Variants in AGPS observed in about 807,000 individuals in gnomAD.
The protein encoded by AGPS is alkyldihydroxyacetonephosphate synthase, peroxisomal.
A neutral mutation model predicts 90.7 loss-of-function variants in AGPS; 26 were observed. That is an observed-to-expected ratio of 0.29 (90% CI 0.21 to 0.40). The LOEUF is 0.40. AGPS is among the 10% of genes least tolerant of loss of function. The probability of loss-of-function intolerance (pLI) is 1.00; values close to 1 mark genes in which losing one functional copy is unlikely to be tolerated. For synonymous variants in AGPS, 294 were observed against 285.3 expected (o/e 1.03, Z -0.31); for missense variants, 540 against 816.1 (o/e 0.66, Z 4.12).
intron 1 of AGPS, among the ~76,000 whole-genome samples, chr2:177,402,872 C>A (rs539412157): frequency 8.5e-5 from 13 of 152,226 alleles, no homozygotes; most frequent in Non-Finnish European, 1.8e-4. Context: ...GCCTGACTAA[C>A]ATGGTGAAAC....
chr2:177,424,015 G>A (rs1244701141), intron 2 of AGPS, among the ~76,000 whole-genome samples: 1 of 152,054 alleles, frequency 6.6e-6, no homozygotes, highest in Non-Finnish European at 1.5e-5. Context: ...CTAAACGTGT[G>A]ACATGGTGGT....
chr2:177,428,792 G>T (rs1686153265), intron 2 of AGPS, among the ~76,000 whole-genome samples: 1 of 152,040 alleles, frequency 6.6e-6, no homozygotes, highest in Non-Finnish European at 1.5e-5. Flanking sequence ...ATGATTATGT[G>T]TCTTGGGGTT....
chr2:177,499,628 T>A lies in AGPS; in HGVS notation c.1373T>A (p.Phe458Tyr), dbSNP rs1377263907. The A allele has an allele frequency of 6.2e-7, 1 of 1,608,598 alleles. No homozygotes were observed. Among genetic ancestry groups the A allele is most frequent in the South Asian group, 1.1e-5 (1 of 90,330 alleles). ...KKFYITKFKG[F>Y]DPNQLSVATL... ...TTTTTTTTTTTGTAGTTTAAAGGAT[T>A]TGACCCAAATCAGCTAAGTGTAGCC... Residue 458 changes from phenylalanine to tyrosine, a missense_variant, in exon 14 of 20, where the codon TTT becomes TAT. By Grantham distance (22) the Phe-to-Tyr change is conservative. Coordinates refer to ENST00000264167, the MANE Select transcript of AGPS (RefSeq NM_003659.4).
chr2:177,538,354 C>A lies in AGPS; in HGVS notation c.*159C>A. The stretch of plus-strand genomic sequence containing the variant: ...CATTCTGTAGTTTGTTTTGTTTCTA[C>A]ATCTATGGATTGACAGATAGTATTC... On this transcript the variant is annotated 3_prime_UTR_variant, in exon 20 of 20. Transcript: ENST00000264167. 1 of 765,482 alleles carries A rather than the reference C, an allele frequency of 1.3e-6. No individual in the cohort carries two copies. The highest frequency in any genetic ancestry group is 2.1e-6 in the Non-Finnish European group (1 of 481,662). The allele number at this position is 765,482 out of a possible 1,614,324, so 47.4% of individuals were successfully genotyped here.
intron 1 of AGPS, among the ~76,000 whole-genome samples, chr2:177,415,727 T>C (rs905859126): frequency 2.0e-5 from 3 of 152,320 alleles, no homozygotes; most frequent in Middle Eastern, 3.4e-3. Context: ...TTAGATAGTC[T>C]GACTGCCCTC....
chr2:177,461,397 C>T (rs1687289589), intron 8 of AGPS, among the ~76,000 whole-genome samples: 1 of 152,172 alleles, frequency 6.6e-6, no homozygotes, highest in Non-Finnish European at 1.5e-5. Flanking sequence ...CACATGACTC[C>T]TTGAGAGAAT....
At chr2:177,526,095 G>A (rs921659191) in intron 19 of AGPS, among the ~76,000 whole-genome samples, 1 of 151,990 alleles carries the variant, frequency 6.6e-6, no homozygotes, top group Admixed American at 6.6e-5. Flanking sequence ...TGAGAGCTAT[G>A]GTAATAGTCC....
At chr2:177,510,582 A>AT (rs1015387404) in intron 16 of AGPS, among the ~76,000 whole-genome samples, 60 of 151,294 alleles carry the variant, frequency 4.0e-4, no homozygotes, top group African/African-American at 7.5e-4. Context: ...ATAATGTGCA[A>AT]TTTTTTTTTG....
At chr2:177,457,005 G>C (rs1229355842) in intron 8 of AGPS, among the ~76,000 whole-genome samples, 1 of 152,188 alleles carries the variant, frequency 6.6e-6, no homozygotes, top group African/African-American at 2.4e-5. Context: ...TCAGACCACA[G>C]TGCAATCAAA....
chr2:177,401,233 T>C (rs924436109), intron 1 of AGPS, among the ~76,000 whole-genome samples: 8 of 152,370 alleles, frequency 5.3e-5, no homozygotes, highest in Admixed American at 2.6e-4. Context: ...TCTCATTCTC[T>C]AGAACTTATT....
chr2:177,466,115 T>C (rs1687439901), intron 9 of AGPS, among the ~76,000 whole-genome samples: 1 of 152,046 alleles, frequency 6.6e-6, no homozygotes, highest in South Asian at 2.1e-4. Context: ...CAGAGGGTAG[T>C]TCCTCTCCAC....
intron 5 of AGPS, 120 bp downstream of exon 5, chr2:177,437,174 A>C: frequency 1.0e-6 from 1 of 962,122 alleles, no homozygotes; most frequent in Non-Finnish European, 1.6e-6. Flanking sequence ...CTGTATTTTT[A>C]AGAGAGTTTA....
chr2:177,533,634 A>T (rs2079157389), intron 19 of AGPS, among the ~76,000 whole-genome samples: 1 of 152,226 alleles, frequency 6.6e-6, no homozygotes, highest in Non-Finnish European at 1.5e-5. Context: ...TAATCTGAGA[A>T]TGCCTGTATT....
Position 177,457,471 on chromosome 2 carries a change from A to G in AGPS, c.871-4422A>G, listed in dbSNP as rs368909096. Among the ~76,000 whole-genome samples the G allele has an allele frequency of 4.6e-5, 7 of 152,330 alleles. No individual in the cohort carries two copies. The East Asian group carries it at 7.7e-4, about 17-fold the overall frequency. On this transcript the variant is annotated intron_variant, in intron 8 of 19. Coordinates refer to ENST00000264167, the MANE Select transcript of AGPS (RefSeq NM_003659.4). ...AAAGAAGAAAAGAGAGAAGAATCAA[A>G]TAGATGCAATAAAAAAAGATACAGG...
intron 5 of AGPS, among the ~76,000 whole-genome samples, chr2:177,438,187 G>T (rs1466201550): frequency 6.6e-6 from 1 of 152,018 alleles, no homozygotes; most frequent in Non-Finnish European, 1.5e-5. Flanking sequence ...AACCTAATAG[G>T]CCATCCTTTG....
At chr2:177,393,645 G>A in intron 1 of AGPS, 2 of 889,962 alleles carry the variant, frequency 2.2e-6, no homozygotes, top group African/African-American at 1.8e-5. Flanking sequence ...AAGGTGTGGT[G>A]GTATAGCTAC....
chr2:177,505,533 A>G lies in AGPS; in HGVS notation c.1503A>G (p.Gly501=). 1.2e-6 allele frequency: 2 copies of G among 1,612,586 alleles called. No individual in the cohort carries two copies. Among genetic ancestry groups the G allele is most frequent in the Middle Eastern group, 1.7e-4 (1 of 6,052 alleles). The part of the protein sequence containing the change: ...FGGLAAGEDN[G]QRGYLLTYVI... ...GGTTGGCAGCTGGAGAAGATAATGG[A>G]CAGAGAGGTTATTTGCTGACCTATG... The change falls in exon 15 of 20, where the codon GGA becomes GGG. Residue 501 remains glycine (G), a synonymous_variant. Transcript: ENST00000264167.
intron 10 of AGPS, among the ~76,000 whole-genome samples, chr2:177,475,518 T>C (rs985861127): frequency 2.6e-5 from 4 of 152,180 alleles, no homozygotes; most frequent in Non-Finnish European, 5.9e-5. Context: ...TTGATCTCTA[T>C]AGATTTGCCT....
chr2:177,467,297 A>G (rs1687482654), intron 9 of AGPS, among the ~76,000 whole-genome samples: 1 of 152,230 alleles, frequency 6.6e-6, no homozygotes, highest in South Asian at 2.1e-4. Context: ...AGAGTTATAT[A>G]ATTCTTTTAT....
Sources: allele counts gnomAD v4.1 joint callset (sites outside exome capture counted in the v4.1 genomes callset), GRCh38; gene constraint gnomAD v4.1.1; transcripts MANE v1.5; gene names NCBI Gene and HGNC (gene_info 2026-07-23, HGNC 2026-07-21).